ATP9B: variants seen among roughly 807,000 people sequenced by gnomAD.
The protein encoded by ATP9B is ATPase phospholipid transporting 9B.
In ATP9B, 110 loss-of-function variants were observed where a neutral mutation model predicts 146.1. The ratio of observed to expected loss-of-function variants is 0.75; its 90% CI spans 0.65 to 0.88. The LOEUF (loss-of-function observed/expected upper bound fraction) is 0.88. ATP9B is among the 40% of genes least tolerant of loss of function. The pLI is 0.00. For missense variants in ATP9B, 1,499 were observed against 1,496.4 expected, an observed-to-expected ratio of 1.00 and a Z score of -0.03; for synonymous variants, 604 against 569.7, an observed-to-expected ratio of 1.06 and a Z score of -0.86.
chr18:79,206,200 A>T (rs2095532070), intron 9 of ATP9B, among the ~76,000 whole-genome samples: 1 of 152,214 alleles, frequency 6.6e-6, no homozygotes, highest in African/African-American at 2.4e-5. Context: ...TCGGCCTCCC[A>T]AAGTGCTGGG....
In ATP9B at chr18:79,279,535, T is replaced by G. The variant is rs143469455; in HGVS notation, c.1411+2339T>G. On this transcript the variant is annotated intron_variant, in intron 13 of 29. Transcript: ENST00000426216. ...AACTTCAGGAAAATGTTCAGAATTT[T>G]AAGAGAATTTATTCATATGTATGAG... Among the ~76,000 whole-genome samples the G allele has an allele frequency of 1.7e-3, 256 of 152,304 alleles. 4 individuals are homozygous for G. Among genetic ancestry groups the G allele is most frequent in the African/African-American group, 5.8e-3 (240 of 41,558 alleles).
At chr18:79,225,291 TATA>T (rs1166618931) in intron 11 of ATP9B, among the ~76,000 whole-genome samples, 4 of 152,246 alleles carry the variant, frequency 2.6e-5, no homozygotes, top group Admixed American at 6.5e-5. Flanking sequence ...AAAACATGTA[TATA>T]ATAAGCTAAA....
At chr18:79,366,016 G>A (rs2097025964) in intron 26 of ATP9B, among the ~76,000 whole-genome samples, 1 of 152,260 alleles carries the variant, frequency 6.6e-6, no homozygotes, top group Non-Finnish European at 1.5e-5. Flanking sequence ...GCTTAGCAGT[G>A]AGGGGTTACT....
At chr18:79,188,139 G>T (rs2095326460) in intron 8 of ATP9B, among the ~76,000 whole-genome samples, 1 of 152,166 alleles carries the variant, frequency 6.6e-6, no homozygotes, top group Non-Finnish European at 1.5e-5. Context: ...CCCAGAGGAA[G>T]TAGGTGTTCC....
chr18:79,122,263 T>G (rs2094202522), intron 4 of ATP9B, among the ~76,000 whole-genome samples: 1 of 152,152 alleles, frequency 6.6e-6, no homozygotes, highest in South Asian at 2.1e-4. Context: ...AAACAGAACT[T>G]TTTTTAAGAA....
At chr18:79,261,674 A>G (rs1403951126) in intron 12 of ATP9B, among the ~76,000 whole-genome samples, 1 of 152,194 alleles carries the variant, frequency 6.6e-6, no homozygotes, top group Admixed American at 6.5e-5. Context: ...AGTACACCAC[A>G]TAGAGTCATT....
At chr18:79,083,544 G>A (rs763250552) in intron 1 of ATP9B, among the ~76,000 whole-genome samples, 7 of 152,200 alleles carry the variant, frequency 4.6e-5, no homozygotes, top group African/African-American at 7.2e-5. Context: ...TGTAGGCATC[G>A]AAAGGAATCT....
intron 16 of ATP9B, 43 bp downstream of exon 16, chr18:79,329,345 T>A (rs754067815): frequency 6.7e-7 from 1 of 1,497,578 alleles, no homozygotes; most frequent in South Asian, 1.4e-5. Flanking sequence ...TTCAGACATT[T>A]TGTTTTCACA....
intron 6 of ATP9B, among the ~76,000 whole-genome samples, chr18:79,151,475 A>T (rs541981336): frequency 1.2e-4 from 19 of 152,246 alleles, no homozygotes; most frequent in Non-Finnish European, 2.6e-4. Flanking sequence ...AGTTTTGCCC[A>T]TCATGAAGGA....
intron 11 of ATP9B, among the ~76,000 whole-genome samples, chr18:79,246,974 AT>A (rs1253502463): frequency 5.9e-5 from 9 of 152,208 alleles, no homozygotes; most frequent in African/African-American, 2.2e-4. Flanking sequence ...TTTTAACGTA[AT>A]TTCTATACGT....
intron 7 of ATP9B, among the ~76,000 whole-genome samples, chr18:79,168,372 G>A (rs946076856): frequency 2.3e-5 from 3 of 132,066 alleles, no homozygotes; most frequent in African/African-American, 8.8e-5. Flanking sequence ...TTTTGTTTTT[G>A]ATTTTGTTTT....
At chr18:79,072,581 CTCTT>C (rs199551838) in intron 1 of ATP9B, among the ~76,000 whole-genome samples, 65,834 of 151,708 alleles carry the variant, frequency 0.43, 16,014 homozygotes, top group Middle Eastern at 0.66. Context: ...AATCTGATCT[CTCTT>C]TCTTTTCCCG....
intron 11 of ATP9B, among the ~76,000 whole-genome samples, chr18:79,218,867 C>G (rs1021421323): frequency 2.0e-5 from 3 of 152,210 alleles, no homozygotes; most frequent in African/African-American, 7.2e-5. Flanking sequence ...AGTTGCACTT[C>G]TAGCTCGTGT....
rs181320960 is a variant in ATP9B at position 79,122,086 on chromosome 18, A to G, written c.559-4181A>G. On this transcript the variant is annotated intron_variant, in intron 4 of 29. Coordinates refer to ENST00000426216, the MANE Select transcript of ATP9B (RefSeq NM_198531.5). ...CTCTTCCCTGGAAATTAGAGGTAAAAGTACACATTTCAGGTAGGGTCTGAG... is the reference window on the plus strand; with the variant it reads ...CTCTTCCCTGGAAATTAGAGGTAAAGGTACACATTTCAGGTAGGGTCTGAG... 4.0e-4 allele frequency among the ~76,000 whole-genome samples: 61 copies of G among 152,320 alleles called. No individual in the cohort carries two copies. The East Asian group carries it at 5.0e-3, about 13-fold the overall frequency.
intron 4 of ATP9B, among the ~76,000 whole-genome samples, chr18:79,125,347 C>T (rs955293766): frequency 5.9e-5 from 9 of 152,208 alleles, no homozygotes; most frequent in South Asian, 4.2e-4. Context: ...TAGAAGAATC[C>T]ATGTTTAAGT....
intron 15 of ATP9B, among the ~76,000 whole-genome samples, chr18:79,325,438 T>C (rs530877433): frequency 6.6e-6 from 1 of 152,312 alleles, no homozygotes; most frequent in African/African-American, 2.4e-5. Flanking sequence ...TCTTAAAATA[T>C]GAGAAATTTG....
intron 2 of ATP9B, among the ~76,000 whole-genome samples, chr18:79,098,298 T>A (rs1355823700): frequency 2.7e-5 from 4 of 150,400 alleles, no homozygotes; most frequent in East Asian, 1.9e-4. Flanking sequence ...AACCTAGGCA[T>A]TACCATTCAG....
At chr18:79,320,957 T>A (rs2096712496) in intron 15 of ATP9B, among the ~76,000 whole-genome samples, 1 of 152,192 alleles carries the variant, frequency 6.6e-6, no homozygotes, top group African/African-American at 2.4e-5. Flanking sequence ...AGTGTGTATA[T>A]TTTAATCTCT....
chr18:79,095,668 T>G (rs2074722658), intron 1 of ATP9B: 1 of 152,226 alleles, frequency 6.6e-6, no homozygotes, highest in Non-Finnish European at 1.5e-5. Context: ...GTTTTTACAT[T>G]GAGACAATGC....
Sources: allele counts gnomAD v4.1 joint callset (sites outside exome capture counted in the v4.1 genomes callset), GRCh38; gene constraint gnomAD v4.1.1; transcripts MANE v1.5; gene names NCBI Gene and HGNC (gene_info 2026-07-23, HGNC 2026-07-21).